The following DENND1A variants were observed in gnomAD, a reference collection of about 807,000 sequenced individuals.
The protein encoded by DENND1A is DENN domain-containing protein 1A.
A neutral mutation model predicts 113.7 loss-of-function variants in DENND1A; 51 were observed. That is an observed-to-expected ratio of 0.45 (90% CI 0.36 to 0.57). The LOEUF is 0.57. Among genes scored for constraint, DENND1A ranks in the 20% least tolerant of loss-of-function variants. The probability of loss-of-function intolerance (pLI) is 0.00; values close to 1 mark genes in which losing one functional copy is unlikely to be tolerated. For synonymous variants in DENND1A, 565 were observed against 570.8 expected, an observed-to-expected ratio of 0.99 and a Z score of 0.14; for missense variants, 1,258 against 1,395.9, an observed-to-expected ratio of 0.90 and a Z score of 1.57.
intron 1 of DENND1A, among the ~76,000 whole-genome samples, chr9:123,918,555 C>A (rs1009925865): frequency 6.6e-6 from 1 of 151,360 alleles, no homozygotes; most frequent in African/African-American, 2.4e-5. Flanking sequence ...TCAGTGAGGA[C>A]AGTAACTACA....
intron 3 of DENND1A, among the ~76,000 whole-genome samples, chr9:123,776,783 C>T (rs1443056038): frequency 6.6e-6 from 1 of 152,142 alleles, no homozygotes; most frequent in Non-Finnish European, 1.5e-5. Context: ...CTTTTATAAA[C>T]ATTCACAAAC....
intron 22 of DENND1A, 91 bp downstream of exon 22, chr9:123,387,639 A>T: frequency 2.2e-6 from 2 of 908,652 alleles, no homozygotes; most frequent in Non-Finnish European, 3.1e-6. Context: ...CCCCGACACA[A>T]AGGCAAGCAG....
chr9:123,607,818 G>C (rs1409812688), intron 11 of DENND1A, among the ~76,000 whole-genome samples: 1 of 151,672 alleles, frequency 6.6e-6, no homozygotes, highest in African/African-American at 2.4e-5. Context: ...GAATGCTGAG[G>C]CGCTGGGACA....
At chr9:123,821,296 G>A (rs573032327) in intron 2 of DENND1A, among the ~76,000 whole-genome samples, 83 of 151,994 alleles carry the variant, frequency 5.5e-4, no homozygotes, top group Non-Finnish European at 1.1e-3. Context: ...ATATCTGAGT[G>A]TTGGAAAATT....
At chr9:123,753,050 T>C (rs2070200633) in intron 5 of DENND1A, among the ~76,000 whole-genome samples, 1 of 152,198 alleles carries the variant, frequency 6.6e-6, no homozygotes, top group African/African-American at 2.4e-5. Flanking sequence ...ATAGGACTTG[T>C]TTGGTACGAC....
chr9:123,901,551 A>AAT (rs1459576379), intron 1 of DENND1A, among the ~76,000 whole-genome samples: 4 of 152,190 alleles, frequency 2.6e-5, no homozygotes, highest in African/African-American at 9.7e-5. Flanking sequence ...ATATCAAAGC[A>AAT]ATCATTTATT....
intron 15 of DENND1A, among the ~76,000 whole-genome samples, chr9:123,455,689 C>T (rs945221835): frequency 5.3e-5 from 8 of 152,192 alleles, no homozygotes; most frequent in East Asian, 1.9e-4. Flanking sequence ...ATTGAACCCT[C>T]GGAGAGTGAG....
At chr9:123,814,053 CATA>C (rs1837072284) in intron 2 of DENND1A, among the ~76,000 whole-genome samples, 2 of 152,132 alleles carry the variant, frequency 1.3e-5, no homozygotes, top group African/African-American at 2.4e-5. Flanking sequence ...CAGATTTTTA[CATA>C]ATGTTACATT....
At chr9:123,784,951 C>T (rs532282262) in intron 3 of DENND1A, among the ~76,000 whole-genome samples, 5 of 152,232 alleles carry the variant, frequency 3.3e-5, no homozygotes, top group East Asian at 1.9e-4. Flanking sequence ...AATATACTTT[C>T]GTTAAGATGT....
chr9:123,852,001 C>A (rs1843445870), intron 2 of DENND1A, among the ~76,000 whole-genome samples: 4 of 152,194 alleles, frequency 2.6e-5, no homozygotes, highest in Admixed American at 2.6e-4. Context: ...CATCAGGAAA[C>A]TTCCAACATT....
chr9:123,534,023 C>T (rs889748406), intron 13 of DENND1A, among the ~76,000 whole-genome samples: 5 of 152,164 alleles, frequency 3.3e-5, no homozygotes, highest in African/African-American at 1.2e-4. Flanking sequence ...ATTATTAATA[C>T]TTCATCTATT....
intron 9 of DENND1A, among the ~76,000 whole-genome samples, chr9:123,650,905 T>TCA (rs2062611664): frequency 1.9e-5 from 1 of 52,764 alleles, no homozygotes; most frequent in South Asian, 6.2e-4. Context: ...AGACTCTGTC[T>TCA]CAAAAAAAAA....
At chr9:123,579,031 A>G (rs7857782) in intron 12 of DENND1A, among the ~76,000 whole-genome samples, 57,320 of 152,012 alleles carry the variant, frequency 0.38, 11,193 homozygotes, top group African/African-American at 0.47. Flanking sequence ...AAAAACCTAC[A>G]GTACAGAGTT....
chr9:123,625,513 G>A (rs2061166851), intron 10 of DENND1A, among the ~76,000 whole-genome samples: 2 of 152,222 alleles, frequency 1.3e-5, no homozygotes, highest in Admixed American at 6.5e-5. Flanking sequence ...GGAGGCTGAG[G>A]CAGGTGGATC....
chr9:123,522,961 G>A (rs1012930075), intron 13 of DENND1A, among the ~76,000 whole-genome samples: 12 of 152,216 alleles, frequency 7.9e-5, no homozygotes, highest in Admixed American at 5.2e-4. Flanking sequence ...GAATACAGAC[G>A]TGAATAAGAA....
chr9:123,588,633 A>AAGGGGGGG (rs1554894950), intron 11 of DENND1A, among the ~76,000 whole-genome samples: 1 of 86,444 alleles, frequency 1.2e-5, no homozygotes, highest in East Asian at 3.9e-4. Flanking sequence ...AAAAAAAAAA[A>AAGGGGGGG]GGGGGGGGGG....
At chr9:123,396,006 T>C (rs1287117792) in intron 21 of DENND1A, among the ~76,000 whole-genome samples, 1 of 151,852 alleles carries the variant, frequency 6.6e-6, no homozygotes, top group Non-Finnish European at 1.5e-5. Context: ...TGCACGCGTG[T>C]GAGACAAAGA....
chr9:123,444,201 C>T (rs2047138193), intron 18 of DENND1A, among the ~76,000 whole-genome samples: 1 of 152,196 alleles, frequency 6.6e-6, no homozygotes, highest in Non-Finnish European at 1.5e-5. Flanking sequence ...CTTTGGCCCA[C>T]TGCTCCCATT....
At chr9:123,623,462 A>G (rs2061049853) in intron 10 of DENND1A, among the ~76,000 whole-genome samples, 1 of 152,174 alleles carries the variant, frequency 6.6e-6, no homozygotes, top group Non-Finnish European at 1.5e-5. Flanking sequence ...CATAGTTAAT[A>G]AGAGATAAGA....
Sources: allele counts gnomAD v4.1 joint callset (sites outside exome capture counted in the v4.1 genomes callset), GRCh38; gene constraint gnomAD v4.1.1; transcripts MANE v1.5; gene names NCBI Gene and HGNC (gene_info 2026-07-23, HGNC 2026-07-21).